SYNDIG1: variants seen among roughly 807,000 people sequenced by gnomAD.
SYNDIG1 encodes synapse differentiation-inducing gene protein 1.
SYNDIG1 carries 9 observed loss-of-function variants against 19.4 expected under a neutral mutation model. That is an observed-to-expected ratio of 0.46 (90% confidence interval 0.28 to 0.81). SYNDIG1 has a LOEUF of 0.81. Among genes scored for constraint, SYNDIG1 ranks in the 30% least tolerant of loss-of-function variants. The pLI is 0.12. For synonymous variants in SYNDIG1, 141 were observed against 145.9 expected, an observed-to-expected ratio of 0.97 and a Z score of 0.24; for missense variants, 311 against 343.3, an observed-to-expected ratio of 0.91 and a Z score of 0.74.
intron 1 of SYNDIG1, among the ~76,000 whole-genome samples, chr20:24,481,250 G>C (rs1476874853): frequency 6.6e-6 from 1 of 152,162 alleles, no homozygotes; most frequent in Non-Finnish European, 1.5e-5. Flanking sequence ...AGTGTTCATG[G>C]ATCTGTGGGT....
chr20:24,550,192 T>C (rs1477053480), intron 2 of SYNDIG1, among the ~76,000 whole-genome samples: 3 of 152,232 alleles, frequency 2.0e-5, no homozygotes, highest in Non-Finnish European at 2.9e-5. Context: ...GTCCTATCAG[T>C]GTACAACTAC....
At chr20:24,660,397 T>A (rs2147397660) in intron 3 of SYNDIG1, among the ~76,000 whole-genome samples, 1 of 152,340 alleles carries the variant, frequency 6.6e-6, no homozygotes, top group South Asian at 2.1e-4. Flanking sequence ...ACATTGTCTG[T>A]GACACTTCCT....
intron 1 of SYNDIG1, among the ~76,000 whole-genome samples, chr20:24,479,780 C>A (rs567846464): frequency 6.6e-6 from 1 of 152,252 alleles, no homozygotes; most frequent in East Asian, 1.9e-4. Flanking sequence ...GTCTCAAGTG[C>A]AGATCCGCCT....
At chr20:24,542,935 A>G in intron 1 of SYNDIG1, 85 bp from the exon 2 acceptor site, 1 of 1,023,210 alleles carries the variant, frequency 9.8e-7, no homozygotes, top group South Asian at 1.6e-5. Flanking sequence ...GCTGGCTGGT[A>G]CAGTCTGAAA....
chr20:24,536,650 G>A (rs529741050), intron 1 of SYNDIG1, among the ~76,000 whole-genome samples: 1 of 152,250 alleles, frequency 6.6e-6, no homozygotes, highest in South Asian at 2.1e-4. Flanking sequence ...CTGGAGAAGT[G>A]TCTGTACCTG....
intron 2 of SYNDIG1, among the ~76,000 whole-genome samples, chr20:24,545,517 C>T (rs2057558815): frequency 6.6e-6 from 1 of 152,140 alleles, no homozygotes; most frequent in Non-Finnish European, 1.5e-5. Flanking sequence ...ATGGAATACC[C>T]CATCAGCTCT....
intron 2 of SYNDIG1, among the ~76,000 whole-genome samples, chr20:24,576,072 T>G (rs1256301084): frequency 6.6e-6 from 1 of 152,174 alleles, no homozygotes; most frequent in Admixed American, 6.5e-5. Flanking sequence ...CCACATTGTC[T>G]TGTGCTCTGT....
intron 3 of SYNDIG1, among the ~76,000 whole-genome samples, chr20:24,620,799 A>G (rs948067825): frequency 9.9e-5 from 15 of 152,280 alleles, no homozygotes; most frequent in African/African-American, 3.1e-4. Flanking sequence ...AGGAAAATGA[A>G]TAATGACGGA....
At chr20:24,655,999 C>A (rs1375678222) in intron 3 of SYNDIG1, among the ~76,000 whole-genome samples, 1 of 152,176 alleles carries the variant, frequency 6.6e-6, no homozygotes, top group Non-Finnish European at 1.5e-5. Flanking sequence ...ACTATGGGAC[C>A]TATAGGGAGT....
intron 1 of SYNDIG1, among the ~76,000 whole-genome samples, chr20:24,535,616 T>G (rs1288947890): frequency 6.6e-6 from 1 of 151,828 alleles, no homozygotes; most frequent in African/African-American, 2.4e-5. Flanking sequence ...AAGACAAAGG[T>G]TTTTCATGAA....
chr20:24,597,290 T>G (rs1375346563), intron 3 of SYNDIG1: 1 of 152,220 alleles, frequency 6.6e-6, no homozygotes, highest in Non-Finnish European at 1.5e-5. Flanking sequence ...CTTTGTGTCA[T>G]GGAAATGGCT....
chr20:24,582,849 A>G (rs2058353130), intron 2 of SYNDIG1, among the ~76,000 whole-genome samples: 2 of 152,224 alleles, frequency 1.3e-5, no homozygotes, highest in African/African-American at 4.8e-5. Context: ...CAGCAGAGGC[A>G]GCGACTCCTT....
At chr20:24,628,900 G>A (rs1263786235) in intron 3 of SYNDIG1, among the ~76,000 whole-genome samples, 3 of 152,218 alleles carry the variant, frequency 2.0e-5, no homozygotes, top group Non-Finnish European at 4.4e-5. Flanking sequence ...GGGAGGGAAA[G>A]CAAGCAGGTT....
At chr20:24,656,123 C>G (rs907617984) in intron 3 of SYNDIG1, among the ~76,000 whole-genome samples, 1 of 152,176 alleles carries the variant, frequency 6.6e-6, no homozygotes, top group Non-Finnish European at 1.5e-5. Context: ...CGGTGCTGTT[C>G]TTAGTGCCAA....
chr20:24,471,180 T>C (rs2055440581), intron 1 of SYNDIG1, among the ~76,000 whole-genome samples: 1 of 151,996 alleles, frequency 6.6e-6, no homozygotes, highest in Non-Finnish European at 1.5e-5. Context: ...GGCCAACTTC[T>C]CCGTGCTAGG....
In SYNDIG1 at chr20:24,550,701, G is replaced by A. The variant is rs536905478; in HGVS notation, c.480+7124G>A. ...TTTTTTTTGTATTTTTAGTAGATAC[G>A]GGGTTTCACTGTGTTAGCCAGGATG... is the stretch of plus-strand genomic sequence containing the variant. On this transcript the variant is annotated intron_variant, in intron 2 of 3. Coordinates refer to ENST00000376862, the MANE Select transcript of SYNDIG1 (RefSeq NM_024893.3). 2.3e-3 allele frequency among the ~76,000 whole-genome samples: 350 copies of A among 152,014 alleles called. 1 individual carries two copies. The highest frequency in any genetic ancestry group is 7.9e-3 in the African/African-American group (326 of 41,452).
chr20:24,625,748 C>T (rs527541140), intron 3 of SYNDIG1, among the ~76,000 whole-genome samples: 1 of 152,316 alleles, frequency 6.6e-6, no homozygotes, highest in East Asian at 1.9e-4. Flanking sequence ...AATGAAAAGT[C>T]TCCCATGTCT....
chr20:24,512,913 C>G (rs748171626), intron 1 of SYNDIG1, among the ~76,000 whole-genome samples: 1 of 152,142 alleles, frequency 6.6e-6, no homozygotes, highest in Non-Finnish European at 1.5e-5. Context: ...GGCCGGGTAC[C>G]CCTCTGAGAT....
chr20:24,641,901 C>G (rs907746506), intron 3 of SYNDIG1, among the ~76,000 whole-genome samples: 1 of 152,200 alleles, frequency 6.6e-6, no homozygotes, highest in African/African-American at 2.4e-5. Context: ...CCATGTATCC[C>G]TTAACTGGTT....
Sources: allele counts gnomAD v4.1 joint callset (sites outside exome capture counted in the v4.1 genomes callset), GRCh38; gene constraint gnomAD v4.1.1; transcripts MANE v1.5; gene names NCBI Gene and HGNC (gene_info 2026-07-23, HGNC 2026-07-21).